Variants in TMEM151A observed in about 807,000 individuals in gnomAD.
TMEM151A encodes the protein transmembrane protein 151A, also known as transmembrane protein 151.
Under a neutral mutation model 33.7 loss-of-function variants are expected in TMEM151A, and 21 were observed. The observed-to-expected ratio is 0.62, with a 90% CI of 0.44 to 0.90. TMEM151A has a LOEUF of 0.90. Ranked by LOEUF, TMEM151A falls within the 40% of genes least tolerant of loss-of-function variation. TMEM151A has a pLI of 0.00. For missense variants in TMEM151A, 704 were observed against 697.7 expected (o/e 1.01, Z -0.10); for synonymous variants, 374 against 330.3 (o/e 1.13, Z -1.43).
rs560577 is a variant in TMEM151A, at chr11:66,296,655, T to C, written c.*1002T>C. On this transcript the variant is annotated 3_prime_UTR_variant, in exon 2 of 2. Transcript: ENST00000327259. ...AGAAGATGCAGATTAAATAAAGGTA[T>C]GGAATGGAAGGCCTGTGCATTCCTG... 21,169 of 152,110 alleles carry C rather than the reference T, an allele frequency of 0.14. 2,284 individuals carry two copies. The highest frequency in any genetic ancestry group is 0.3 in the African/African-American group (12,438 of 41,394). The allele number at this position is 152,110 out of a possible 1,614,324, so 9.4% of individuals were successfully genotyped here. A position where few individuals can be genotyped will look rare whatever the true frequency, so the allele number is the denominator to read the frequency against.
In TMEM151A at chr11:66,295,053, G is replaced by A; in HGVS notation, c.807G>A (p.Ser269=). 4 of 1,598,760 alleles carry A rather than the reference G, an allele frequency of 2.5e-6. No individual in the cohort carries two copies. The highest frequency in any genetic ancestry group is 2.2e-5 in the East Asian group (1 of 44,812). The change falls in exon 2 of 2, where the codon TCG becomes TCA. Residue 269 remains serine, a synonymous_variant. Transcript: ENST00000327259. The stretch of plus-strand genomic sequence containing the variant: ...TGAAGGACGTAGACTTCCGCGAGTC[G>A]CTCATGGTCTTCGCCGACCCCCGCA... The part of the protein sequence containing the change: ...MHLKDVDFRE[S]LMVFADPRSP...
In TMEM151A at chr11:66,295,215, G is replaced by A. The variant is rs957004814; in HGVS notation, c.969G>A (p.Ser323=). 1.9e-6 allele frequency: 3 copies of A among 1,569,320 alleles called. No homozygotes were observed. Among genetic ancestry groups the A allele is most frequent in the South Asian group, 2.3e-5 (2 of 86,818 alleles). ...YQVEKLFGAS[S]PPPGAVPSGP... is the part of the protein sequence containing the mutation. ...TGGAGAAGCTCTTTGGCGCCAGCTC[G>A]CCCCCGCCGGGGGCCGTGCCCAGCG... The change falls in exon 2 of 2, where the codon TCG becomes TCA. Residue 323 remains serine (S), a synonymous_variant. Coordinates refer to ENST00000327259, the MANE Select transcript of TMEM151A (RefSeq NM_153266.4).
Position 66,295,037 on chromosome 11 carries a change from T to C in TMEM151A, c.791T>C (p.Val264Ala), listed in dbSNP as rs916841534. The C allele has an allele frequency of 1.9e-6, 3 of 1,598,864 alleles. No homozygotes were observed. The highest frequency in any genetic ancestry group is 2.5e-6 in the Non-Finnish European group (3 of 1,179,166). The change falls in exon 2 of 2, where the codon GTA (valine) becomes GCA (alanine). Residue 264 changes from valine (V) to alanine (A), a missense_variant. Physicochemically the swap from Val to Ala is moderately conservative, Grantham distance 64. Around this residue, in one of 3 missense-constraint regions of TMEM151A, gnomAD observed 398 missense variants for 356.0 expected, o/e 1.12. Transcript: ENST00000327259. The stretch of plus-strand genomic sequence containing the variant: ...CGCGAGGGCATGCACCTGAAGGACG[T>C]AGACTTCCGCGAGTCGCTCATGGTC... ...EAREGMHLKD[V>A]DFRESLMVFA...
At chr11:66,294,229 C>G (rs758923810) in intron 1 of TMEM151A, 93 bp from the exon 2 acceptor site, 12 of 1,539,608 alleles carry the variant, frequency 7.8e-6, no homozygotes, top group South Asian at 4.9e-5. Flanking sequence ...ATGGGGCTCA[C>G]GGTATCACCT....
rs1857502865 is a variant in TMEM151A at position 66,295,205 on chromosome 11, G to A, written c.959G>A (p.Gly320Asp). 5.7e-6 allele frequency: 9 copies of A among 1,574,210 alleles called. No homozygotes were observed. The highest frequency in any genetic ancestry group is 1.8e-5 in the Admixed American group (1 of 55,106). The change falls in exon 2 of 2, where the codon GGC becomes GAC. Residue 320 changes from glycine to aspartate, a missense_variant. Around this residue, in one of 3 missense-constraint regions of TMEM151A, gnomAD observed 398 missense variants for 356.0 expected, o/e 1.12. Coordinates refer to ENST00000327259, the MANE Select transcript of TMEM151A (RefSeq NM_153266.4). Reference sequence around the variant, plus strand: ...CACTACCAGGTGGAGAAGCTCTTTGGCGCCAGCTCGCCCCCGCCGGGGGCC... The same window carrying A: ...CACTACCAGGTGGAGAAGCTCTTTGACGCCAGCTCGCCCCCGCCGGGGGCC... ...HVHYQVEKLF[G>D]ASSPPPGAVP...
In TMEM151A at chr11:66,296,183, C is replaced by T. The variant is rs12418822; in HGVS notation, c.*530C>T. The stretch of plus-strand genomic sequence containing the variant: ...AACATTCCCATCCTCCCCTGATAGG[C>T]CCCTCCTCCTTGCCTGCCCTCTCTC... On this transcript the variant is annotated 3_prime_UTR_variant, in exon 2 of 2. Transcript: ENST00000327259. The T allele has an allele frequency of 0.06, 9,217 of 153,528 alleles. 685 individuals are homozygous for T. The highest frequency in any genetic ancestry group is 0.21 in the Admixed American group (3,241 of 15,302). 9.5% of individuals were successfully genotyped at this position (153,528 alleles called of 1,614,324 possible).
In TMEM151A at chr11:66,295,091, A is replaced by G. The variant is rs1441346523; in HGVS notation, c.845A>G (p.Tyr282Cys). ...VFADPRSPPW[Y>C]ARAWVFWLVS... ...GCCGACCCCCGCAGCCCGCCCTGGT[A>G]CGCGCGCGCCTGGGTCTTCTGGCTC... is the stretch of plus-strand genomic sequence containing the variant. Residue 282 changes from tyrosine (Y) to cysteine (C), a missense_variant, in exon 2 of 2, where the codon TAC (tyrosine) becomes TGC (cysteine). Coordinates refer to ENST00000327259, the MANE Select transcript of TMEM151A (RefSeq NM_153266.4). 12 of 1,595,700 alleles carry G rather than the reference A, an allele frequency of 7.5e-6. No homozygotes were observed. Among genetic ancestry groups the G allele is most frequent in the Admixed American group, 5.0e-5 (3 of 59,660 alleles).
chr11:66,294,964 G>T lies in TMEM151A; in HGVS notation c.718G>T (p.Ala240Ser). ...EAEASYLTQR[A>S]RFFSANEGLD... ...CGAGGCCTCGTACCTCACGCAGCGGGCGCGCTTCTTCAGCGCCAACGAGGG... is the reference window on the plus strand; with the variant it reads ...CGAGGCCTCGTACCTCACGCAGCGGTCGCGCTTCTTCAGCGCCAACGAGGG... The change falls in exon 2 of 2, where the codon GCG (alanine) becomes TCG (serine). Residue 240 changes from alanine to serine, a missense_variant. By Grantham distance (99) the Ala-to-Ser change is moderately conservative. Coordinates refer to ENST00000327259, the MANE Select transcript of TMEM151A (RefSeq NM_153266.4). 2 of 1,570,300 alleles carry T rather than the reference G, an allele frequency of 1.3e-6. No individual in the cohort carries two copies. Among genetic ancestry groups the T allele is most frequent in the Non-Finnish European group, 1.7e-6 (2 of 1,165,264 alleles).
chr11:66,292,642 C>T lies in TMEM151A; in HGVS notation c.75+554C>T, dbSNP rs1857468139. Among the ~76,000 whole-genome samples the T allele has an allele frequency of 6.6e-6, 1 of 152,286 alleles. No homozygotes were observed. Among genetic ancestry groups the T allele is most frequent in the East Asian group, 1.9e-4 (1 of 5,190 alleles). The stretch of plus-strand genomic sequence containing the variant: ...GGAAGGTCTGCAGGACCTGGGGCCC[C>T]GAGTGATGTGTGGGGTGATAGGGTG... On this transcript the variant is annotated intron_variant, in intron 1 of 1. Coordinates refer to ENST00000327259, the MANE Select transcript of TMEM151A (RefSeq NM_153266.4). This position sits in a 1 kb window ranked among gnomAD's most constrained non-coding sequence, Gnocchi z 4.7.
rs1857514092 is a variant in TMEM151A at position 66,295,730 on chromosome 11, A to G, written c.*77A>G. 1.5e-6 allele frequency: 2 copies of G among 1,309,148 alleles called. No individual in the cohort carries two copies. The highest frequency in any genetic ancestry group is 3.1e-5 in the African/African-American group (2 of 64,528). The allele number at this position is 1,309,148 out of a possible 1,614,324, so 81.1% of individuals were successfully genotyped here. A position where few individuals can be genotyped will look rare whatever the true frequency, so the allele number is the denominator to read the frequency against. ...TTAGATGCCCGAGTGATTGTTGTCC[A>G]AAACAGGCGGGAAAACAGACCAGCC... On this transcript the variant is annotated 3_prime_UTR_variant, in exon 2 of 2. Transcript: ENST00000327259.
chr11:66,294,847 C>T lies in TMEM151A; in HGVS notation c.601C>T (p.Arg201Cys), dbSNP rs1055408415. The change falls in exon 2 of 2, where the codon CGC (arginine) becomes TGC (cysteine). Residue 201 changes from arginine (R) to cysteine (C), a missense_variant. By Grantham distance (180) the Arg-to-Cys change is radical. Coordinates refer to ENST00000327259, the MANE Select transcript of TMEM151A (RefSeq NM_153266.4). ...GEFDYSAHGV[R>C]DVSKELVGLA... ...GTTTGACTACTCGGCGCACGGCGTC[C>T]GCGACGTCTCCAAGGAGCTGGTGGG... The T allele has an allele frequency of 5.9e-6, 9 of 1,538,204 alleles. No individual in the cohort carries two copies. In the Admixed American group the frequency reaches 1.4e-4, roughly 23 times the overall value.
Position 66,292,088 on chromosome 11 carries a change from G to T in TMEM151A, c.75G>T (p.Glu25Asp). The T allele has an allele frequency of 6.8e-7, 1 of 1,473,512 alleles. No homozygotes were observed. Among genetic ancestry groups the T allele is most frequent in the South Asian group, 1.3e-5 (1 of 75,876 alleles). 91.3% of individuals were successfully genotyped at this position (1,473,512 alleles called of 1,614,324 possible). The change falls in exon 1 of 2, where the codon GAG (glutamate) becomes GAT (aspartate). Residue 25 changes from glutamate to aspartate, a missense_variant and splice_region_variant. Coordinates refer to ENST00000327259, the MANE Select transcript of TMEM151A (RefSeq NM_153266.4). The surrounding 1 kb of genome is among the most constrained non-coding windows in gnomAD (Gnocchi z 4.7). ...CGGACGGCGAGCCGCTGCGGGAAGA[G>T]GTACCGGCGCTGGGGGGGCCGGAGC... ...LIPDGEPLREEQRPLKQSLGS... is the reference protein window; with the variant it reads ...LIPDGEPLREDQRPLKQSLGS...
chr11:66,292,108 C>A lies in TMEM151A; in HGVS notation c.75+20C>A. On this transcript the variant is annotated intron_variant, in intron 1 of 1. Transcript: ENST00000327259. This position sits in a 1 kb window ranked among gnomAD's most constrained non-coding sequence, Gnocchi z 4.7. ...GAAGAGGTACCGGCGCTGGGGGGGC[C>A]GGAGCCGGGCCTGGGGCGGCGTGAG... The A allele has an allele frequency of 7.0e-7, 1 of 1,425,416 alleles. No individual in the cohort carries two copies. The highest frequency in any genetic ancestry group is 9.1e-7 in the Non-Finnish European group (1 of 1,098,914). The allele number at this position is 1,425,416 out of a possible 1,614,324, so 88.3% of individuals were successfully genotyped here.
Position 66,292,168 on chromosome 11 carries a change from G to T in TMEM151A, c.75+80G>T. On this transcript the variant is annotated intron_variant, in intron 1 of 1. Transcript: ENST00000327259. The surrounding 1 kb of genome is among the most constrained non-coding windows in gnomAD (Gnocchi z 4.7). ...TGCAAAAGGCGACCCCAAGAGAGGG[G>T]CTGAGGAGGGAAGTCCCAGAGCCCC... The T allele has an allele frequency of 1.6e-6, 2 of 1,213,488 alleles. No individual in the cohort carries two copies. The highest frequency in any genetic ancestry group is 2.1e-6 in the Non-Finnish European group (2 of 931,910). 75.2% of individuals were successfully genotyped at this position (1,213,488 alleles called of 1,614,324 possible). A position where few individuals can be genotyped will look rare whatever the true frequency, so the allele number is the denominator to read the frequency against.
At chr11:66,293,373 C>T (rs926329522) in intron 1 of TMEM151A, among the ~76,000 whole-genome samples, 6 of 152,098 alleles carry the variant, frequency 3.9e-5, no homozygotes, top group African/African-American at 7.2e-5. Context: ...CCCTTCCCCT[C>T]GCCCCACTTT....
Position 66,291,981 on chromosome 11 carries a change from C to G in TMEM151A, c.-33C>G, listed in dbSNP as rs1278304531. The stretch of plus-strand genomic sequence containing the variant: ...TGCTCCCCCCTATCATGCCCGGTGC[C>G]CAGGCTGGGGCCGCCCAAGCAGCCA... On this transcript the variant is annotated 5_prime_UTR_variant, in exon 1 of 2. Coordinates refer to ENST00000327259, the MANE Select transcript of TMEM151A (RefSeq NM_153266.4). 6.7e-7 allele frequency: 1 copy of G among 1,494,000 alleles called. No individual in the cohort carries two copies. Among genetic ancestry groups the G allele is most frequent in the Non-Finnish European group, 8.9e-7 (1 of 1,127,708 alleles). 92.5% of individuals were successfully genotyped at this position (1,494,000 alleles called of 1,614,324 possible).
In TMEM151A at chr11:66,294,695, G is replaced by A. The variant is rs1322792025; in HGVS notation, c.449G>A (p.Trp150Ter). 1 of 1,582,648 alleles carries A rather than the reference G, an allele frequency of 6.3e-7. No homozygotes were observed. The highest frequency in any genetic ancestry group is 1.3e-5 in the African/African-American group (1 of 74,188). Residue 150 changes from tryptophan to a stop codon, truncating the protein, a stop_gained, in exon 2 of 2, where the codon TGG becomes TAG. Coordinates refer to ENST00000327259, the MANE Select transcript of TMEM151A (RefSeq NM_153266.4). LOFTEE classifies it high-confidence loss of function. The stretch of plus-strand genomic sequence containing the variant: ...CTGCAGCAGGCGCCGCCGTGCGTCT[G>A]GTGGAAGGCCACCAGCTATCACTAC... Reference protein sequence around the residue: ...RRLQQAPPCVWWKATSYHYVR... With the variant: ...RRLQQAPPCV
Position 66,295,743 on chromosome 11 carries a change from A to C in TMEM151A, c.*90A>C, listed in dbSNP as rs1857514339. The C allele has an allele frequency of 8.0e-7, 1 of 1,253,898 alleles. No homozygotes were observed. The highest frequency in any genetic ancestry group is 1.0e-6 in the Non-Finnish European group (1 of 967,500). The allele number at this position is 1,253,898 out of a possible 1,614,324, so 77.7% of individuals were successfully genotyped here. A position where few individuals can be genotyped will look rare whatever the true frequency, so the allele number is the denominator to read the frequency against. On this transcript the variant is annotated 3_prime_UTR_variant, in exon 2 of 2. Transcript: ENST00000327259. Reference sequence around the variant, plus strand: ...TGATTGTTGTCCAAAACAGGCGGGAAAACAGACCAGCCACACACAAGGGGC... The same window carrying C: ...TGATTGTTGTCCAAAACAGGCGGGACAACAGACCAGCCACACACAAGGGGC...
rs1197347852 is a variant in TMEM151A at position 66,292,165 on chromosome 11, G to C, written c.75+77G>C. ...CAGTGCAAAAGGCGACCCCAAGAGA[G>C]GGGCTGAGGAGGGAAGTCCCAGAGC... is the stretch of plus-strand genomic sequence containing the variant. On this transcript the variant is annotated intron_variant, in intron 1 of 1. Transcript: ENST00000327259. This position sits in a 1 kb window ranked among gnomAD's most constrained non-coding sequence, Gnocchi z 4.7. 1 of 1,240,628 alleles carries C rather than the reference G, an allele frequency of 8.1e-7. No homozygotes were observed. Among genetic ancestry groups the C allele is most frequent in the African/African-American group, 1.6e-5 (1 of 62,712 alleles). 76.9% of individuals were successfully genotyped at this position (1,240,628 alleles called of 1,614,324 possible). A position where few individuals can be genotyped will look rare whatever the true frequency, so the allele number is the denominator to read the frequency against.
Sources: gnomAD v4.1 joint callset for allele counts (sites outside exome capture counted in the v4.1 genomes callset) on GRCh38, gnomAD v4.1.1 for gene constraint, gnomAD v4.1.1 regional missense constraint, Gnocchi (gnomAD v3.1) non-coding constraint, MANE v1.5 for transcripts, NCBI Gene and HGNC (gene_info 2026-07-23, HGNC 2026-07-21) for gene names.